Variants in CNTLN observed in about 807,000 individuals in gnomAD.
The protein encoded by CNTLN is centlein.
In CNTLN, 212 loss-of-function variants were observed where a neutral mutation model predicts 180.0. The ratio of observed to expected loss-of-function variants is 1.18; its 90% CI spans 1.05 to 1.32. The LOEUF is 1.32. CNTLN is among the 40% of genes most tolerant of loss of function. The probability of loss-of-function intolerance (pLI) is 0.00; values close to 1 mark genes in which losing one functional copy is unlikely to be tolerated. For missense variants in CNTLN, 2,095 were observed against 1,610.9 expected, an observed-to-expected ratio of 1.30 and a Z score of -5.14; for synonymous variants, 722 against 563.1, an observed-to-expected ratio of 1.28 and a Z score of -3.99.
intron 18 of CNTLN, among the ~76,000 whole-genome samples, chr9:17,427,265 G>A (rs1008742121): frequency 8.7e-5 from 13 of 149,790 alleles, no homozygotes; most frequent in African/African-American, 3.2e-4. Context: ...TATGATCCCA[G>A]CACTTGAGTT....
chr9:17,466,103 G>A lies in CNTLN; in HGVS notation c.3654G>A (p.Glu1218=), dbSNP rs1393309550. The change falls in exon 22 of 26, where the codon GAG becomes GAA. Residue 1218 remains glutamate, a synonymous_variant. Coordinates refer to ENST00000380647, the MANE Select transcript of CNTLN (RefSeq NM_017738.4). ...AACAGATGTATCAGAAATCTAAAGA[G>A]GAGTTAGAAAAAAAGGTATGCTTTT... The part of the protein sequence containing the change: ...QYEQMYQKSK[E]ELEKKDLKLT... 1 of 1,600,744 alleles carries A rather than the reference G, an allele frequency of 6.2e-7. No homozygotes were observed. The highest frequency in any genetic ancestry group is 8.5e-7 in the Non-Finnish European group (1 of 1,172,500).
At chr9:17,430,463 T>G (rs1214130611) in intron 18 of CNTLN, among the ~76,000 whole-genome samples, 1 of 152,058 alleles carries the variant, frequency 6.6e-6, no homozygotes, top group Non-Finnish European at 1.5e-5. Context: ...ACATGTGATA[T>G]TTTGTTACAT....
chr9:17,248,927 C>A (rs549505107), intron 5 of CNTLN, among the ~76,000 whole-genome samples: 5 of 151,892 alleles, frequency 3.3e-5, no homozygotes, highest in African/African-American at 1.2e-4. Context: ...GTTCTCATGT[C>A]ATTTTGGATT....
chr9:17,259,865 T>A (rs1826818411), intron 5 of CNTLN, among the ~76,000 whole-genome samples: 1 of 137,800 alleles, frequency 7.3e-6, no homozygotes, highest in African/African-American at 3.0e-5. Flanking sequence ...TTCTTCTCTC[T>A]TTTTTTCTTT....
chr9:17,203,726 T>G (rs905596361), intron 2 of CNTLN, among the ~76,000 whole-genome samples: 4 of 152,100 alleles, frequency 2.6e-5, no homozygotes, highest in African/African-American at 9.7e-5. Flanking sequence ...CCGGCTAATT[T>G]TTTGTATTTT....
At chr9:17,460,274 C>T (rs1470060600) in intron 19 of CNTLN, among the ~76,000 whole-genome samples, 1 of 151,646 alleles carries the variant, frequency 6.6e-6, no homozygotes, top group Admixed American at 6.6e-5. Context: ...CTCCTAATTA[C>T]TATACTATGC....
At chr9:17,422,450 A>G (rs1232495122) in intron 18 of CNTLN, among the ~76,000 whole-genome samples, 1 of 152,162 alleles carries the variant, frequency 6.6e-6, no homozygotes, top group Non-Finnish European at 1.5e-5. Context: ...GCCCATCTTT[A>G]AGCTCACTAG....
At position 17,332,625 on chromosome 9, in the gene CNTLN, A is replaced by G. The variant is rs772109904; in HGVS notation, c.1539A>G (p.Ser513=). The G allele has an allele frequency of 1.9e-6, 3 of 1,608,324 alleles. No homozygotes were observed. The South Asian group carries it at 3.3e-5, about 18-fold the overall frequency. The change falls in exon 10 of 26, where the codon TCA becomes TCG. Residue 513 remains serine (S), a synonymous_variant. Coordinates refer to ENST00000380647, the MANE Select transcript of CNTLN (RefSeq NM_017738.4). The part of the protein sequence containing the change: ...GKHKEPPVKR[S]RSLSPKSSFT... The stretch of plus-strand genomic sequence containing the variant: ...TCGAGGAACCACCTGTGAAACGTTC[A>G]AGGTCTTTGTCCCCAAAGAGCTCTT...
At chr9:17,356,988 G>T (rs1357877469) in intron 12 of CNTLN, among the ~76,000 whole-genome samples, 1 of 151,990 alleles carries the variant, frequency 6.6e-6, no homozygotes, top group Non-Finnish European at 1.5e-5. Flanking sequence ...ATGAGTGTGT[G>T]TGTGTATATA....
intron 25 of CNTLN, chr9:17,487,288 C>T: frequency 2.0e-6 from 1 of 499,898 alleles, no homozygotes; most frequent in Non-Finnish European, 3.6e-6. Flanking sequence ...TGGGTCTTAG[C>T]AAATGCATTA....
At chr9:17,157,540 T>C (rs544203378) in intron 2 of CNTLN, among the ~76,000 whole-genome samples, 2 of 152,310 alleles carry the variant, frequency 1.3e-5, no homozygotes, top group Admixed American at 6.5e-5. Flanking sequence ...ATATTTGGAT[T>C]AACGTTAGTT....
chr9:17,142,174 G>T (rs1335712910), intron 1 of CNTLN, among the ~76,000 whole-genome samples: 1 of 151,798 alleles, frequency 6.6e-6, no homozygotes, highest in Non-Finnish European at 1.5e-5. Context: ...TAGGTGGGCC[G>T]CATGCAGCCC....
At position 17,307,972 on chromosome 9, in the gene CNTLN, CCACACACACACA is replaced by C. The variant is rs3837233; in HGVS notation, c.1147-1051_1147-1040del. ...AAGATTTTACTGTTAGCCTTTAAAA[CCACACACACACA>C]CACACACACACACACACACACACAC... On this transcript the variant is annotated intron_variant, in intron 7 of 25. Transcript: ENST00000380647. Among the ~76,000 whole-genome samples the C allele has an allele frequency of 9.5e-3, 1,305 of 137,906 alleles. 8 individuals are homozygous for C. The highest frequency in any genetic ancestry group is 0.015 in the East Asian group (69 of 4,692). 90.5% of individuals were successfully genotyped at this position (137,906 alleles called of 152,430 possible). A position where few individuals can be genotyped will look rare whatever the true frequency, so the allele number is the denominator to read the frequency against.
At chr9:17,418,629 G>A (rs1253372676) in intron 18 of CNTLN, among the ~76,000 whole-genome samples, 3 of 151,260 alleles carry the variant, frequency 2.0e-5, no homozygotes, top group Non-Finnish European at 4.4e-5. Context: ...CTATATGCTC[G>A]GTAAATATTC....
chr9:17,498,587 T>G (rs1270732512), intron 25 of CNTLN, among the ~76,000 whole-genome samples: 1 of 152,194 alleles, frequency 6.6e-6, no homozygotes, highest in Non-Finnish European at 1.5e-5. Context: ...CCCGTTAAAT[T>G]TCTATGCCAA....
intron 5 of CNTLN, among the ~76,000 whole-genome samples, chr9:17,258,942 T>G (rs1158109517): frequency 3.3e-5 from 5 of 150,108 alleles, no homozygotes; most frequent in Non-Finnish European, 1.5e-5. Context: ...TGACTTCCTC[T>G]TTTCCTAATT....
intron 16 of CNTLN, among the ~76,000 whole-genome samples, chr9:17,412,494 A>G (rs1827926475): frequency 6.6e-6 from 1 of 152,192 alleles, no homozygotes; most frequent in Non-Finnish European, 1.5e-5. Flanking sequence ...TTGGTGTGAA[A>G]TTGATACATG....
chr9:17,351,416 G>A (rs1288906698), intron 12 of CNTLN, among the ~76,000 whole-genome samples: 2 of 152,142 alleles, frequency 1.3e-5, no homozygotes, highest in Admixed American at 6.5e-5. Flanking sequence ...CCTTTTGGAG[G>A]TCTCACTGAG....
intron 6 of CNTLN, among the ~76,000 whole-genome samples, chr9:17,284,209 T>C (rs1828836645): frequency 6.6e-6 from 1 of 152,104 alleles, no homozygotes; most frequent in Admixed American, 6.6e-5. Context: ...TTTGCATCAA[T>C]GTTCAGGGAT....
Sources: allele counts gnomAD v4.1 joint callset (sites outside exome capture counted in the v4.1 genomes callset), GRCh38; gene constraint gnomAD v4.1.1; transcripts MANE v1.5; gene names NCBI Gene and HGNC (gene_info 2026-07-23, HGNC 2026-07-21).